COL27A1: variants seen among roughly 807,000 people sequenced by gnomAD.
The protein encoded by COL27A1 is collagen alpha-1(XXVII) chain.
COL27A1 carries 106 observed loss-of-function variants against 251.3 expected under a neutral mutation model. The ratio of observed to expected loss-of-function variants is 0.42; its 90% confidence interval spans 0.36 to 0.50. The LOEUF is 0.50. COL27A1 is among the 20% of genes least tolerant of loss of function. The pLI is 0.00. For missense variants in COL27A1, 2,325 were observed against 2,522.8 expected, an observed-to-expected ratio of 0.92 and a Z score of 1.68; for synonymous variants, 1,000 against 986.3, an observed-to-expected ratio of 1.01 and a Z score of -0.26.
chr9:114,292,000 C>T, intron 48 of COL27A1, 103 bp from the exon 49 acceptor site: 1 of 1,009,156 alleles, frequency 9.9e-7, no homozygotes, highest in South Asian at 1.4e-5. Flanking sequence ...ATCTCGGGTA[C>T]CCTGTGGAAT....
At chr9:114,154,656 G>T (rs1483417553), upstream of COL27A1, among the ~76,000 whole-genome samples, 1 of 151,560 alleles carries the variant, frequency 6.6e-6, no homozygotes, top group Non-Finnish European at 1.5e-5. The surrounding 1 kb of genome is among the most constrained non-coding windows in gnomAD (Gnocchi z 5.8). Flanking sequence ...GTATCAGCGT[G>T]CGCCTGAGCC....
In COL27A1 at chr9:114,209,774, C is replaced by G. The variant is rs777821580; in HGVS notation, c.2322+46C>G. The G allele has an allele frequency of 2.5e-5, 40 of 1,578,242 alleles. No homozygotes were observed. The Middle Eastern group carries it at 6.6e-4, about 26-fold the overall frequency. ...ATTCACCATCCACAGCCACCCCTGCCCAAACAGAGCAGAACCTGCCAGGCA... is the reference window on the plus strand; with the variant it reads ...ATTCACCATCCACAGCCACCCCTGCGCAAACAGAGCAGAACCTGCCAGGCA... On this transcript the variant is annotated intron_variant, in intron 11 of 60. Transcript: ENST00000356083.
At chr9:114,304,450 C>T in intron 56 of COL27A1, 158 bp from the exon 57 acceptor site, 6 of 662,484 alleles carry the variant, frequency 9.1e-6, no homozygotes, top group South Asian at 1.8e-5. Context: ...GCAGGGTCAG[C>T]TTTGACTGTC....
At chr9:114,260,520 T>C (rs987328911) in intron 28 of COL27A1, among the ~76,000 whole-genome samples, 2 of 152,192 alleles carry the variant, frequency 1.3e-5, no homozygotes, top group African/African-American at 4.8e-5. Flanking sequence ...TGGCGCTCTG[T>C]GCCTCAGTTT....
At chr9:114,200,319 C>T (rs2135273164) in intron 7 of COL27A1, among the ~76,000 whole-genome samples, 1 of 152,322 alleles carries the variant, frequency 6.6e-6, no homozygotes, top group Middle Eastern at 3.4e-3. Context: ...TTTACAATGT[C>T]ACCTCCTCTG....
chr9:114,260,848 C>T (rs1181348211), intron 28 of COL27A1, among the ~76,000 whole-genome samples: 1 of 152,172 alleles, frequency 6.6e-6, no homozygotes, highest in Non-Finnish European at 1.5e-5. Flanking sequence ...GCCTTTCTCC[C>T]ACCTGCTCAG....
At chr9:114,300,993 G>A in intron 51 of COL27A1, 79 bp from the exon 52 acceptor site, 3 of 1,413,062 alleles carry the variant, frequency 2.1e-6, no homozygotes, top group Non-Finnish European at 2.9e-6. Context: ...GCGACGCTCG[G>A]GCTGCCCTCC....
At chr9:114,228,452 T>C (rs1244262552) in intron 14 of COL27A1, among the ~76,000 whole-genome samples, 3 of 152,208 alleles carry the variant, frequency 2.0e-5, no homozygotes, top group Admixed American at 6.5e-5. Flanking sequence ...GAGGGGCCTG[T>C]GGACATGCAG....
chr9:114,216,522 CG>C (rs1454099365), intron 12 of COL27A1, among the ~76,000 whole-genome samples: 1 of 152,266 alleles, frequency 6.6e-6, no homozygotes, highest in East Asian at 1.9e-4. Context: ...CACTTAGTAG[CG>C]GAGGGATGAG....
intron 22 of COL27A1, among the ~76,000 whole-genome samples, chr9:114,243,027 G>A (rs1832865298): frequency 1.3e-5 from 2 of 152,102 alleles, no homozygotes; most frequent in African/African-American, 2.4e-5. Context: ...ATGCAGCCTC[G>A]GGAAGATGCC....
intron 60 of COL27A1, 137 bp downstream of exon 60, chr9:114,309,615 C>A: frequency 1.4e-6 from 1 of 707,424 alleles, no homozygotes; most frequent in South Asian, 2.1e-5. Flanking sequence ...GATATGATTT[C>A]ATCTTTGTGT....
intron 3 of COL27A1, among the ~76,000 whole-genome samples, chr9:114,172,850 A>C (rs1396111460): frequency 6.6e-6 from 1 of 152,166 alleles, no homozygotes. Flanking sequence ...AGTTTTGCTG[A>C]GTGACTTTGA....
intron 5 of COL27A1, among the ~76,000 whole-genome samples, chr9:114,187,056 A>G (rs1828400839): frequency 6.6e-6 from 1 of 152,206 alleles, no homozygotes; most frequent in Non-Finnish European, 1.5e-5. Flanking sequence ...ACTAGCCAGG[A>G]TGATATGGCC....
chr9:114,246,801 C>T (rs1471739629), intron 24 of COL27A1, among the ~76,000 whole-genome samples: 1 of 151,746 alleles, frequency 6.6e-6, no homozygotes, highest in Non-Finnish European at 1.5e-5. Context: ...CAGTGTCATT[C>T]GAGCGCATTC....
At chr9:114,162,640 C>A (rs1248324106) in intron 1 of COL27A1, 75 bp from the exon 2 acceptor site, 10 of 1,151,708 alleles carry the variant, frequency 8.7e-6, no homozygotes, top group Non-Finnish European at 7.8e-6. Flanking sequence ...GTTTCCACTC[C>A]CAGCTTCCCC....
chr9:114,187,579 G>A (rs997621026), intron 5 of COL27A1, among the ~76,000 whole-genome samples: 2 of 152,256 alleles, frequency 1.3e-5, no homozygotes, highest in African/African-American at 2.4e-5. Flanking sequence ...ACCTCAAGGT[G>A]TCAATCTAGC....
At chr9:114,252,734 A>G in intron 26 of COL27A1, 88 bp downstream of exon 26, 1 of 1,431,884 alleles carries the variant, frequency 7.0e-7, no homozygotes, top group Non-Finnish European at 9.9e-7. Context: ...CTTACCCCAG[A>G]CGTTCAGAAT....
At chr9:114,226,332 G>T (rs1831465831) in intron 14 of COL27A1, among the ~76,000 whole-genome samples, 1 of 152,178 alleles carries the variant, frequency 6.6e-6, no homozygotes. Context: ...AAACCCTCTT[G>T]TGCCCAACGC....
In COL27A1 at chr9:114,311,992, A is replaced by G. The variant is rs1330985235; in HGVS notation, c.*1297A>G. 1.3e-5 allele frequency: 2 copies of G among 152,248 alleles called. No individual in the cohort carries two copies. Among genetic ancestry groups the G allele is most frequent in the African/African-American group, 4.8e-5 (2 of 41,466 alleles). The allele number at this position is 152,248 out of a possible 1,614,324, so 9.4% of individuals were successfully genotyped here. On this transcript the variant is annotated 3_prime_UTR_variant, in exon 61 of 61. Coordinates refer to ENST00000356083, the MANE Select transcript of COL27A1 (RefSeq NM_032888.4). The stretch of plus-strand genomic sequence containing the variant: ...TAGCTCCAAGTGTAAATTTGGGTCA[A>G]GGAGACAGAATAATAATGGGAATCT...
Sources: gnomAD v4.1 joint callset for allele counts (sites outside exome capture counted in the v4.1 genomes callset) on GRCh38, gnomAD v4.1.1 for gene constraint, Gnocchi (gnomAD v3.1) non-coding constraint, MANE v1.5 for transcripts, NCBI Gene and HGNC (gene_info 2026-07-23, HGNC 2026-07-21) for gene names.